The following NCKAP1 variants were observed in gnomAD, a reference collection of about 807,000 sequenced individuals.
NCKAP1 encodes the protein NCK associated protein 1, also known as nck-associated protein 1.
Under a neutral mutation model 151.2 loss-of-function variants are expected in NCKAP1, and 21 were observed. That is an observed-to-expected ratio of 0.14 (90% CI 0.10 to 0.20). NCKAP1 has a LOEUF of 0.20. Ranked by LOEUF, NCKAP1 falls within the 10% of genes least tolerant of loss-of-function variation. The pLI is 1.00. For missense variants in NCKAP1, 933 were observed against 1,352.1 expected, an observed-to-expected ratio of 0.69 and a Z score of 4.86; for synonymous variants, 484 against 451.8, an observed-to-expected ratio of 1.07 and a Z score of -0.90.
Position 182,957,585 on chromosome 2 carries a change from C to A in NCKAP1, c.1893G>T (p.Lys631Asn). ...CTTGACTGATAGTTTTGGCACAATGCTTGGGTAGCAACTAAATTTAGAAAA... is the reference window on the plus strand; with the variant it reads ...CTTGACTGATAGTTTTGGCACAATGATTGGGTAGCAACTAAATTTAGAAAA... ...QCTLSDQLLPKHCAKTISQAV... is the reference protein window; with the variant it reads ...QCTLSDQLLPNHCAKTISQAV... Residue 631 changes from lysine to asparagine, a missense_variant, in exon 19 of 31, where the codon AAG becomes AAT. Transcript: ENST00000361354. The A allele has an allele frequency of 6.2e-7, 1 of 1,611,080 alleles. No homozygotes were observed. Among genetic ancestry groups the A allele is most frequent in the East Asian group, 2.2e-5 (1 of 44,760 alleles).
At chr2:182,937,893 C>T (rs1696913514) in intron 24 of NCKAP1, among the ~76,000 whole-genome samples, 1 of 152,104 alleles carries the variant, frequency 6.6e-6, no homozygotes, top group African/African-American at 2.4e-5. Flanking sequence ...TTTCTCCCCA[C>T]CTACTTATAC....
chr2:182,944,160 C>T (rs1043591501), intron 23 of NCKAP1, among the ~76,000 whole-genome samples: 3 of 152,044 alleles, frequency 2.0e-5, no homozygotes, highest in Admixed American at 6.5e-5. Context: ...TATTTTTGCT[C>T]TCTATAAAGT....
chr2:182,980,643 T>A (rs1035852118), intron 13 of NCKAP1, among the ~76,000 whole-genome samples: 1 of 152,012 alleles, frequency 6.6e-6, no homozygotes, highest in Non-Finnish European at 1.5e-5. Context: ...GGAAAAAAAA[T>A]TGGACATTTA....
intron 6 of NCKAP1, among the ~76,000 whole-genome samples, chr2:182,998,558 G>A (rs1004999401): frequency 1.3e-5 from 2 of 151,960 alleles, no homozygotes; most frequent in East Asian, 1.9e-4. Flanking sequence ...GGCCGGGCAC[G>A]GTGGCTCATA....
At chr2:182,930,855 T>C (rs1256622766) in intron 26 of NCKAP1, 67 bp from the exon 27 acceptor site, 2 of 1,362,586 alleles carry the variant, frequency 1.5e-6, no homozygotes, top group Non-Finnish European at 2.1e-6. Context: ...GCTCACTGTT[T>C]ATTAGAGTCT....
Position 182,955,856 on chromosome 2 carries a change from A to T in NCKAP1, c.2153+606T>A, listed in dbSNP as rs1311047867. Among the ~76,000 whole-genome samples, 6 of 152,212 alleles carry T rather than the reference A, an allele frequency of 3.9e-5. No homozygotes were observed. The East Asian group carries it at 1.2e-3, about 29-fold the overall frequency. ...TACAACCTAATAAACTGATTTCATG[A>T]ACCTACTGGGTTGCCACCTGCAAGA... On this transcript the variant is annotated intron_variant, in intron 20 of 30. Coordinates refer to ENST00000361354, the MANE Select transcript of NCKAP1 (RefSeq NM_013436.5).
At position 182,916,655 on chromosome 2, in the gene NCKAP1, G is replaced by C. The variant is rs551923852; in HGVS notation, c.*9047C>G. The stretch of plus-strand genomic sequence containing the variant: ...CAGAATAAGAGAACATTCCATTCCA[G>C]AGACAGGGAACAGCATGTGGAAAAG... On this transcript the variant is annotated 3_prime_UTR_variant, in exon 31 of 31. Transcript: ENST00000361354. 6.6e-6 allele frequency: 1 copy of C among 152,304 alleles called. No homozygotes were observed. The highest frequency in any genetic ancestry group is 1.5e-5 in the Non-Finnish European group (1 of 68,042). The allele number at this position is 152,304 out of a possible 1,614,324, so 9.4% of individuals were successfully genotyped here.
chr2:182,934,976 G>T (rs750919200), intron 25 of NCKAP1, 144 bp from the exon 26 acceptor site: 1 of 564,678 alleles, frequency 1.8e-6, no homozygotes, highest in Non-Finnish European at 3.1e-6. Context: ...AAAATTTCAA[G>T]ACATATGAAA....
At chr2:182,927,877 G>A (rs922689969) in intron 29 of NCKAP1, among the ~76,000 whole-genome samples, 3 of 151,738 alleles carry the variant, frequency 2.0e-5, no homozygotes, top group Non-Finnish European at 2.9e-5. Context: ...AATAACGGAC[G>A]GCTCCTCGAT....
At chr2:183,001,687 T>G (rs1303010322) in intron 6 of NCKAP1, among the ~76,000 whole-genome samples, 2 of 152,156 alleles carry the variant, frequency 1.3e-5, no homozygotes, top group African/African-American at 4.8e-5. Flanking sequence ...CCCTCTCAAA[T>G]ACCATATGGT....
At chr2:182,939,976 C>T (rs548993501) in intron 24 of NCKAP1, among the ~76,000 whole-genome samples, 198 of 152,248 alleles carry the variant, frequency 1.3e-3, no homozygotes, top group South Asian at 3.1e-3. Flanking sequence ...AATTATTATA[C>T]ACAAAATTCA....
chr2:182,988,499 A>C (rs1698102136), intron 9 of NCKAP1, among the ~76,000 whole-genome samples: 8 of 152,198 alleles, frequency 5.3e-5, no homozygotes, highest in Admixed American at 5.2e-4. Context: ...ATTTCAAAGA[A>C]ACACATTTCA....
chr2:182,946,435 C>A (rs1697107284), intron 23 of NCKAP1, among the ~76,000 whole-genome samples: 1 of 151,734 alleles, frequency 6.6e-6, no homozygotes, highest in South Asian at 2.1e-4. Flanking sequence ...CCAGGGCCTA[C>A]TTGAAGGTAG....
At chr2:182,960,886 G>GAAA (rs535366844) in intron 18 of NCKAP1, among the ~76,000 whole-genome samples, 13,501 of 151,836 alleles carry the variant, frequency 0.089, 722 homozygotes, top group Non-Finnish European at 0.12. Context: ...AAATATACAA[G>GAAA]AAAAACAAAC....
At chr2:182,942,998 C>T (rs1481613862) in intron 23 of NCKAP1, among the ~76,000 whole-genome samples, 2 of 152,196 alleles carry the variant, frequency 1.3e-5, no homozygotes, top group African/African-American at 4.8e-5. Context: ...AAGTTCACCA[C>T]TATCACACTT....
intron 2 of NCKAP1, among the ~76,000 whole-genome samples, chr2:183,011,025 C>T (rs537049132): frequency 6.6e-6 from 1 of 152,214 alleles, no homozygotes; most frequent in African/African-American, 2.4e-5. Context: ...TCAAGATGGC[C>T]TCAGATGCTA....
At chr2:183,004,488 C>CAA (rs34055584) in intron 2 of NCKAP1, among the ~76,000 whole-genome samples, 14,069 of 78,656 alleles carry the variant, frequency 0.18, 1,692 homozygotes, top group African/African-American at 0.35. Context: ...AAACAGCAAG[C>CAA]AAAAAAAAAA....
At chr2:182,991,115 C>G (rs941410153) in intron 8 of NCKAP1, among the ~76,000 whole-genome samples, 1 of 152,156 alleles carries the variant, frequency 6.6e-6, no homozygotes, top group African/African-American at 2.4e-5. Context: ...TACGTTAACA[C>G]TTACAAAATA....
At chr2:182,994,960 C>A in intron 7 of NCKAP1, 73 bp from the exon 8 acceptor site, 1 of 1,196,904 alleles carries the variant, frequency 8.4e-7, no homozygotes, top group Non-Finnish European at 1.2e-6. Flanking sequence ...CCACTCTCCT[C>A]CCTTTCTCCT....
Sources: allele counts gnomAD v4.1 joint callset (sites outside exome capture counted in the v4.1 genomes callset), GRCh38; gene constraint gnomAD v4.1.1; transcripts MANE v1.5; gene names NCBI Gene and HGNC (gene_info 2026-07-23, HGNC 2026-07-21).